Variants in C21orf58 observed in about 807,000 individuals in gnomAD.
C21orf58 encodes the protein uncharacterized protein C21orf58.
C21orf58 carries 34 observed loss-of-function variants against 35.8 expected under a neutral mutation model. The ratio of observed to expected loss-of-function variants is 0.95; its 90% CI spans 0.72 to 1.26. The LOEUF is 1.26. C21orf58 is among the 50% of genes most tolerant of loss of function. The probability of loss-of-function intolerance (pLI) is 0.00; values close to 1 mark genes in which losing one functional copy is unlikely to be tolerated. For missense variants in C21orf58, 440 were observed against 414.3 expected, an observed-to-expected ratio of 1.06 and a Z score of -0.54; for synonymous variants, 191 against 175.8, an observed-to-expected ratio of 1.09 and a Z score of -0.68.
downstream of C21orf58, chr21:46,301,032 G>A (rs542159718): frequency 9.8e-7 from 1 of 1,018,158 alleles, no homozygotes; most frequent in African/African-American, 1.7e-5. Flanking sequence ...AGGAACAAGA[G>A]CTGTGCAAAC....
At position 46,301,957 on chromosome 21, in the gene C21orf58, G is replaced by A. The variant is rs757640474; in HGVS notation, c.*42C>T. The A allele has an allele frequency of 1.5e-5, 22 of 1,472,192 alleles. No homozygotes were observed. Among genetic ancestry groups the A allele is most frequent in the Non-Finnish European group, 1.5e-5 (17 of 1,113,526 alleles). 91.2% of individuals were successfully genotyped at this position (1,472,192 alleles called of 1,614,324 possible). Reference sequence around the variant, plus strand: ...ACAGCCCACAGCCCTGAGGAAGCCTGGGGGTGGAGGGTGCCCCGGCCAGGG... The same window carrying A: ...ACAGCCCACAGCCCTGAGGAAGCCTAGGGGTGGAGGGTGCCCCGGCCAGGG... On this transcript the variant is annotated 3_prime_UTR_variant, in exon 8 of 8. Transcript: ENST00000291691.
In C21orf58 at chr21:46,318,144, C is replaced by G. The variant is rs147199055; in HGVS notation, c.177G>C (p.Ala59=). Residue 59 remains alanine (A), a synonymous_variant, in exon 2 of 8, where the codon GCG becomes GCC. Transcript: ENST00000291691. ...AWAPAEQFFP[A]SNRTREGGGL... ...CACCTCCCTCCCTGGTTCTGTTACTCGCAGGAAAGAACTGCTCAGCAGGAG... is the reference window on the plus strand; with the variant it reads ...CACCTCCCTCCCTGGTTCTGTTACTGGCAGGAAAGAACTGCTCAGCAGGAG... 107 of 1,612,990 alleles carry G rather than the reference C, an allele frequency of 6.6e-5. No homozygotes were observed. The South Asian group carries it at 1.1e-3, about 17-fold the overall frequency.
intron 1 of C21orf58, 115 bp downstream of exon 1, chr21:46,322,511 TGCAGCCCCTGCTC>T: frequency 7.7e-7 from 1 of 1,296,966 alleles, no homozygotes; most frequent in African/African-American, 1.5e-5. Flanking sequence ...ATCCTGTGGG[TGCAGCCCCTGCTC>T]GCTTGGCTGT....
At chr21:46,309,377 G>A (rs2145992635) in intron 6 of C21orf58, among the ~76,000 whole-genome samples, 1 of 150,514 alleles carries the variant, frequency 6.6e-6, no homozygotes, top group East Asian at 2.0e-4. Flanking sequence ...CAGGAGAATC[G>A]CTTGAACCCG....
chr21:46,309,453 C>T (rs1223095080), intron 6 of C21orf58, among the ~76,000 whole-genome samples: 3 of 147,940 alleles, frequency 2.0e-5, no homozygotes, highest in African/African-American at 7.5e-5. Context: ...AAGAGCAAGA[C>T]TCCGTCTCAA....
intron 1 of C21orf58, 26 bp from the exon 2 acceptor site, chr21:46,318,246 G>A: frequency 6.2e-7 from 1 of 1,609,962 alleles, no homozygotes; most frequent in East Asian, 2.2e-5. Context: ...AGCCCTGTGG[G>A]AAGATAGCCA....
At chr21:46,306,877 T>TG (rs1325134628) in intron 6 of C21orf58, among the ~76,000 whole-genome samples, 1 of 151,714 alleles carries the variant, frequency 6.6e-6, no homozygotes, top group Non-Finnish European at 1.5e-5. Context: ...TGTGAGCCGC[T>TG]GTGCCCGGCC....
At chr21:46,304,954 A>G (rs966635141) in intron 6 of C21orf58, among the ~76,000 whole-genome samples, 4 of 152,244 alleles carry the variant, frequency 2.6e-5, no homozygotes, top group Non-Finnish European at 5.9e-5. Flanking sequence ...CCAGTCACAC[A>G]AAGACAAATA....
Position 46,318,561 on chromosome 21 carries a change from T to C in C21orf58, c.101-341A>G. On this transcript the variant is annotated intron_variant, in intron 1 of 7. Transcript: ENST00000291691. ...GTGTGTCAGGGGAGGGCGCCCCACC[T>C]GTGTACTGCCTCCAGGGTGTTAATA... The C allele has an allele frequency of 3.3e-6, 4 of 1,213,182 alleles. No homozygotes were observed. In the South Asian group the frequency reaches 7.2e-5, roughly 22 times the overall value. 75.2% of individuals were successfully genotyped at this position (1,213,182 alleles called of 1,614,324 possible). A position where few individuals can be genotyped will look rare whatever the true frequency, so the allele number is the denominator to read the frequency against.
Position 46,322,837 on chromosome 21 carries a change from G to T in C21orf58, c.-99C>A. 1 of 815,716 alleles carries T rather than the reference G, an allele frequency of 1.2e-6. No individual in the cohort carries two copies. The highest frequency in any genetic ancestry group is 1.8e-6 in the Non-Finnish European group (1 of 560,670). 50.5% of individuals were successfully genotyped at this position (815,716 alleles called of 1,614,324 possible). ...TTCCTGAGGGCGCGTTTAAGTTGCA[G>T]TTGCTGAGGAGGCTGCAAGGTGAGC... On this transcript the variant is annotated 5_prime_UTR_variant, in exon 1 of 8. The change creates a new upstream start codon in the 5' untranslated region. Coordinates refer to ENST00000291691, the MANE Select transcript of C21orf58 (RefSeq NM_058180.5).
At position 46,322,728 on chromosome 21, in the gene C21orf58, G is replaced by T; in HGVS notation, c.11C>A (p.Ser4Tyr). Reference sequence around the variant, plus strand: ...CCTGAGGGAGGTTGCAGGGAGCCGAGATCGCGCCATTGCGCTATAGCCTGG... The same window carrying T: ...CCTGAGGGAGGTTGCAGGGAGCCGATATCGCGCCATTGCGCTATAGCCTGG... MAR[S>Y]RLPATSLRKP... The change falls in exon 1 of 8, where the codon TCT becomes TAT. Residue 4 changes from serine to tyrosine, a missense_variant. Coordinates refer to ENST00000291691, the MANE Select transcript of C21orf58 (RefSeq NM_058180.5). 1 of 1,541,236 alleles carries T rather than the reference G, an allele frequency of 6.5e-7. No homozygotes were observed. The highest frequency in any genetic ancestry group is 1.2e-5 in the South Asian group (1 of 82,386).
chr21:46,308,995 T>C (rs1255206045), intron 6 of C21orf58, among the ~76,000 whole-genome samples: 1 of 152,170 alleles, frequency 6.6e-6, no homozygotes, highest in Non-Finnish European at 1.5e-5. Flanking sequence ...TCTCTATAAC[T>C]GTAAGAAATG....
rs111356523 is a variant in C21orf58, at chr21:46,323,622, AAGGGTG to A, written c.-890_-885del. On this transcript the variant is annotated 5_prime_UTR_variant, in exon 1 of 8. Coordinates refer to ENST00000291691, the MANE Select transcript of C21orf58 (RefSeq NM_058180.5). ...TGTTTCGGGTTCCCAGGGTCCCGGC[AAGGGTG>A]AGGGAGCCCTTGCGGATCCCCTGAG... The A allele has an allele frequency of 0.05, 7,715 of 154,484 alleles. 248 individuals carry two copies. Among genetic ancestry groups the A allele is most frequent in the Middle Eastern group, 0.1 (30 of 300 alleles). 9.6% of individuals were successfully genotyped at this position (154,484 alleles called of 1,614,324 possible).
chr21:46,308,057 G>A (rs188589983), intron 6 of C21orf58, among the ~76,000 whole-genome samples: 122 of 151,932 alleles, frequency 8.0e-4, no homozygotes, highest in African/African-American at 2.4e-3. Flanking sequence ...ACAAAGGCAC[G>A]ATTTCTGCTC....
At chr21:46,317,934 A>G in intron 2 of C21orf58, 78 bp downstream of exon 2, 1 of 1,502,780 alleles carries the variant, frequency 6.7e-7, no homozygotes, top group Non-Finnish European at 9.1e-7. Flanking sequence ...CTGCACCTGC[A>G]GGGCTGTCTC....
chr21:46,314,927 A>C (rs758667258), intron 4 of C21orf58, 47 bp from the exon 5 acceptor site: 2 of 1,550,316 alleles, frequency 1.3e-6, no homozygotes, highest in South Asian at 2.4e-5. Flanking sequence ...GGGGAGCCCC[A>C]ACGCCACAGA....
rs1321986753 is a variant in C21orf58 at position 46,311,515 on chromosome 21, A to G, written c.662T>C (p.Ile221Thr). 8.1e-6 allele frequency: 13 copies of G among 1,612,640 alleles called. No homozygotes were observed. Among genetic ancestry groups the G allele is most frequent in the Admixed American group, 3.3e-5 (2 of 59,828 alleles). ...GGCCTGGGGAGGAGGAATCTGTGCT[A>G]TGAGTGGCTGCTGAGGGAGCTGCTG... ...IIQQLPQQPL[I>T]AQIPPPQAFP... Residue 221 changes from isoleucine to threonine, a missense_variant, in exon 6 of 8, where the codon ATA becomes ACA. By Grantham distance (89) the Ile-to-Thr change is moderately conservative. Coordinates refer to ENST00000291691, the MANE Select transcript of C21orf58 (RefSeq NM_058180.5).
In C21orf58 at chr21:46,322,635, T is replaced by C. The variant is rs890781849; in HGVS notation, c.100+4A>G. 1.3e-6 allele frequency: 2 copies of C among 1,535,908 alleles called. No individual in the cohort carries two copies. Among genetic ancestry groups the C allele is most frequent in the Middle Eastern group, 1.7e-4 (1 of 5,750 alleles). On this transcript the variant is annotated splice_donor_region_variant and intron_variant, in intron 1 of 7. Coordinates refer to ENST00000291691, the MANE Select transcript of C21orf58 (RefSeq NM_058180.5). ...ACCAGGAGACCGCTGGACACCCCGC[T>C]CACCACACAGAAGACTGTGGCCTGA...
At position 46,309,241 on chromosome 21, in the gene C21orf58, A is replaced by T. The variant is rs552146043; in HGVS notation, c.721+2215T>A. Among the ~76,000 whole-genome samples, 5 of 152,196 alleles carry T rather than the reference A, an allele frequency of 3.3e-5. No individual in the cohort carries two copies. The South Asian group carries it at 1.0e-3, about 32-fold the overall frequency. ...TTTAGGAGGCCGAGGCAGGCAGATC[A>T]TCTGAGGTCAGGAATTTGATACCAG... On this transcript the variant is annotated intron_variant, in intron 6 of 7. Transcript: ENST00000291691.
Sources: gnomAD v4.1 joint callset for allele counts (sites outside exome capture counted in the v4.1 genomes callset) on GRCh38, gnomAD v4.1.1 for gene constraint, MANE v1.5 for transcripts, NCBI Gene and HGNC (gene_info 2026-07-23, HGNC 2026-07-21) for gene names.